The following ATP8B3 variants were observed in gnomAD, a reference collection of about 807,000 sequenced individuals.
The protein encoded by ATP8B3 is phospholipid-transporting ATPase IK.
A neutral mutation model predicts 140.9 loss-of-function variants in ATP8B3; 141 were observed. The ratio of observed to expected loss-of-function variants is 1.00; its 90% CI spans 0.87 to 1.15. The LOEUF is 1.15. Ranked by LOEUF, ATP8B3 falls within the 50% of genes most tolerant of loss-of-function variation. The pLI is 0.00. For synonymous variants in ATP8B3, 765 were observed against 714.6 expected (o/e 1.07, Z -1.13); for missense variants, 1,874 against 1,740.6 (o/e 1.08, Z -1.36).
chr19:1,801,870 A>G, intron 12 of ATP8B3, 86 bp downstream of exon 12: 1 of 1,050,554 alleles, frequency 9.5e-7, no homozygotes, highest in Non-Finnish European at 1.4e-6. Context: ...ATTTTGCAGA[A>G]GAAGGAAACT....
intron 10 of ATP8B3, among the ~76,000 whole-genome samples, chr19:1,804,586 C>T (rs570972347): frequency 4.8e-5 from 7 of 146,822 alleles, no homozygotes; most frequent in Non-Finnish European, 9.0e-5. Context: ...CCAGCCTGGG[C>T]AACAGAGCGA....
chr19:1,809,277 G>C (rs1181671695), intron 4 of ATP8B3, among the ~76,000 whole-genome samples: 1 of 152,094 alleles, frequency 6.6e-6, no homozygotes, highest in African/African-American at 2.4e-5. Context: ...GAGATCAGGA[G>C]TTCGAGACCA....
At chr19:1,789,750 T>C (rs1484293991) in intron 22 of ATP8B3, 23 bp from the exon 23 acceptor site, 3 of 1,542,908 alleles carry the variant, frequency 1.9e-6, no homozygotes, top group Non-Finnish European at 2.6e-6. Flanking sequence ...GAGGGGGCTG[T>C]GCCAGGCGCC....
At chr19:1,791,247 G>C (rs1017823682) in intron 20 of ATP8B3, among the ~76,000 whole-genome samples, 4 of 151,280 alleles carry the variant, frequency 2.6e-5, no homozygotes, top group African/African-American at 9.7e-5. Flanking sequence ...GGCTCACTCT[G>C]TCACCCAGGC....
In ATP8B3 at chr19:1,806,294, C is replaced by G. The variant is rs751232957; in HGVS notation, c.678-125G>C. 3.4e-4 allele frequency: 505 copies of G among 1,490,856 alleles called. No homozygotes were observed. The highest frequency in any genetic ancestry group is 4.1e-4 in the Non-Finnish European group (461 of 1,124,366). The allele number at this position is 1,490,856 out of a possible 1,614,324, so 92.4% of individuals were successfully genotyped here. A position where few individuals can be genotyped will look rare whatever the true frequency, so the allele number is the denominator to read the frequency against. On this transcript the variant is annotated intron_variant, in intron 7 of 28. Transcript: ENST00000310127. This position sits in a 1 kb window ranked among gnomAD's most constrained non-coding sequence, Gnocchi z 5.6. ...GTCCCCACCTCCGGGCCTTTGCCCC[C>G]TCAGGAAGCCTTCCCCGGGCTCCCA...
intron 18 of ATP8B3, among the ~76,000 whole-genome samples, chr19:1,793,569 T>C (rs1180559612): frequency 6.6e-6 from 1 of 152,082 alleles, no homozygotes; most frequent in African/African-American, 2.4e-5. Flanking sequence ...AGACCCAGGG[T>C]TGGGGCCTCT....
intron 14 of ATP8B3, 109 bp downstream of exon 14, chr19:1,799,838 T>G: frequency 8.7e-7 from 1 of 1,145,402 alleles, no homozygotes; most frequent in Non-Finnish European, 1.3e-6. Context: ...CTGGTTCAGA[T>G]TCGGGCGGAG....
At position 1,810,602 on chromosome 19, in the gene ATP8B3, C is replaced by G. The variant is rs1446060825; in HGVS notation, c.310+20G>C. 1.2e-5 allele frequency: 20 copies of G among 1,610,964 alleles called. No homozygotes were observed. Among genetic ancestry groups the G allele is most frequent in the Non-Finnish European group, 1.6e-5 (19 of 1,178,594 alleles). ...ATAATCCCTCCCACCTGCACCGCCCCCTCTGCCCAGGATCAGCACCTGAGT... is the reference window on the plus strand; with the variant it reads ...ATAATCCCTCCCACCTGCACCGCCCGCTCTGCCCAGGATCAGCACCTGAGT... On this transcript the variant is annotated intron_variant, in intron 3 of 28. Transcript: ENST00000310127.
In ATP8B3 at chr19:1,799,934, G is replaced by T; in HGVS notation, c.1552+13C>A. 6.3e-7 allele frequency: 1 copy of T among 1,582,246 alleles called. No homozygotes were observed. Among genetic ancestry groups the T allele is most frequent in the Non-Finnish European group, 8.6e-7 (1 of 1,164,888 alleles). On this transcript the variant is annotated intron_variant, in intron 14 of 28. Coordinates refer to ENST00000310127, the MANE Select transcript of ATP8B3 (RefSeq NM_138813.4). ...CGAGGACCCAGCTGGGAGCTCAGGT[G>T]TCGGGGCCGCACCATAGACGCGGCC...
intron 18 of ATP8B3, among the ~76,000 whole-genome samples, chr19:1,793,265 G>GTA (rs10546190): frequency 2.7e-4 from 40 of 150,614 alleles, no homozygotes; most frequent in Admixed American, 6.0e-4. Context: ...TAATTTCTTT[G>GTA]TATATATATA....
At chr19:1,790,956 C>A (rs1043782481) in intron 20 of ATP8B3, 124 bp from the exon 21 acceptor site, 2 of 801,190 alleles carry the variant, frequency 2.5e-6, no homozygotes, top group Non-Finnish European at 4.0e-6. Context: ...ACCCCCTGGC[C>A]ATGGTGATTG....
At chr19:1,797,909 A>G (rs867586625) in intron 14 of ATP8B3, among the ~76,000 whole-genome samples, 1 of 151,950 alleles carries the variant, frequency 6.6e-6, no homozygotes. Flanking sequence ...GGCTCAAGAC[A>G]TCTTCCCTCT....
Position 1,782,619 on chromosome 19 carries a change from G to A in ATP8B3, c.*409C>T. 4.0e-6 allele frequency: 1 copy of A among 253,034 alleles called. No homozygotes were observed. Among genetic ancestry groups the A allele is most frequent in the South Asian group, 6.1e-5 (1 of 16,474 alleles). 15.7% of individuals were successfully genotyped at this position (253,034 alleles called of 1,614,324 possible). ...GCTGACTTCTCCTCCGAGGAGTCTGGCTGGCTCTCCAACGTCAGCTGGCCT... is the reference window on the plus strand; with the variant it reads ...GCTGACTTCTCCTCCGAGGAGTCTGACTGGCTCTCCAACGTCAGCTGGCCT... On this transcript the variant is annotated 3_prime_UTR_variant, in exon 29 of 29. Transcript: ENST00000310127.
chr19:1,785,643 G>A lies in ATP8B3; in HGVS notation c.3219C>T (p.Leu1073=). The part of the protein sequence containing the change: ...ELYVVGQKDE[L]FNYWVFVQAI... ...CTTGGACGAAGACCCAGTAGTTGAA[G>A]AGCTCGTCCTTCTGCCCCACCACGT... The change falls in exon 26 of 29, where the codon CTC becomes CTT. Residue 1073 remains leucine, a synonymous_variant. Transcript: ENST00000310127. The A allele has an allele frequency of 1.2e-6, 2 of 1,613,274 alleles. No individual in the cohort carries two copies. The highest frequency in any genetic ancestry group is 1.3e-5 in the African/African-American group (1 of 75,052).
rs776441117 is a variant in ATP8B3 at position 1,784,833 on chromosome 19, C to T, written c.3646G>A (p.Glu1216Lys). Reference protein sequence around the residue: ...ALRVIFPALKELRAKEEKVEE... With the variant: ...ALRVIFPALKKLRAKEEKVEE... The stretch of plus-strand genomic sequence containing the variant: ...GCCCACCTCACCTTGGCACGTAGCT[C>T]CTTGAGGGCTGGGAAGATGACTCGG... The change falls in exon 28 of 29, where the codon GAG becomes AAG. Residue 1216 changes from glutamate (E) to lysine (K), a missense_variant. Physicochemically the swap from Glu to Lys is moderately conservative, Grantham distance 56 (BLOSUM62 1). This residue lies in a region of ATP8B3 where 840 missense variants were observed against 760.9 expected (regional missense o/e 1.10). Coordinates refer to ENST00000310127, the MANE Select transcript of ATP8B3 (RefSeq NM_138813.4). 6.2e-7 allele frequency: 1 copy of T among 1,606,624 alleles called. No individual in the cohort carries two copies. Among genetic ancestry groups the T allele is most frequent in the Non-Finnish European group, 8.5e-7 (1 of 1,176,638 alleles).
At position 1,794,723 on chromosome 19, in the gene ATP8B3, C is replaced by T. The variant is rs1054579686; in HGVS notation, c.2055+1152G>A. 6.6e-6 allele frequency among the ~76,000 whole-genome samples: 1 copy of T among 152,116 alleles called. No homozygotes were observed. Among genetic ancestry groups the T allele is most frequent in the Admixed American group, 6.5e-5 (1 of 15,270 alleles). ...ACAGGAAACAGCATGTGCAAAGGTGCCAAGGCAGCACCTGAGAGTGGGGAA... is the reference window on the plus strand; with the variant it reads ...ACAGGAAACAGCATGTGCAAAGGTGTCAAGGCAGCACCTGAGAGTGGGGAA... On this transcript the variant is annotated intron_variant, in intron 18 of 28. Transcript: ENST00000310127. This position sits in a 1 kb window ranked among gnomAD's most constrained non-coding sequence, Gnocchi z 4.8.
At position 1,789,460 on chromosome 19, in the gene ATP8B3, G is replaced by A. The variant is rs777938748; in HGVS notation, c.2746C>T (p.Pro916Ser). 1.9e-6 allele frequency: 3 copies of A among 1,597,500 alleles called. No individual in the cohort carries two copies. The African/African-American group carries it at 4.0e-5, about 22-fold the overall frequency. ...GCCACGATCAGGGCCTTCTGCTTGG[G>A]CGTCACGCGGCAGCAGATGACCGCC... is the stretch of plus-strand genomic sequence containing the variant. ...CQAVICCRVT[P>S]KQKALIVALV... Residue 916 changes from proline (P) to serine (S), a missense_variant, in exon 23 of 29, where the codon CCC (proline) becomes TCC (serine). By Grantham distance (74) the Pro-to-Ser change is moderately conservative. This residue lies in a region of ATP8B3 where 840 missense variants were observed against 760.9 expected (regional missense o/e 1.10). Transcript: ENST00000310127.
intron 18 of ATP8B3, 134 bp from the exon 19 acceptor site, chr19:1,792,269 GC>G: frequency 9.4e-7 from 1 of 1,061,510 alleles, no homozygotes; most frequent in Non-Finnish European, 1.3e-6. Flanking sequence ...GCCAACAGCA[GC>G]CAGAAGGGAT....
In ATP8B3 at chr19:1,795,930, AAGAT is replaced by A; in HGVS notation, c.1996_1999del (p.Ile666SerfsTer105). 1 of 1,613,108 alleles carries A rather than the reference AAGAT, an allele frequency of 6.2e-7. No individual in the cohort carries two copies. The highest frequency in any genetic ancestry group is 8.5e-7 in the Non-Finnish European group (1 of 1,179,832). Reference sequence around the variant, plus strand: ...TGCCCCCCTCCTGTGCAAGCGTTCGAAGATGACCGTGTCGGCGCCCTTGGTGTAC... The same window carrying A: ...TGCCCCCCTCCTGTGCAAGCGTTCGAGACCGTGTCGGCGCCCTTGGTGTAC... On this transcript the variant is annotated frameshift_variant, in exon 18 of 29. Coordinates refer to ENST00000310127, the MANE Select transcript of ATP8B3 (RefSeq NM_138813.4). LOFTEE classifies it high-confidence loss of function.
Sources: gnomAD v4.1 joint callset for allele counts (sites outside exome capture counted in the v4.1 genomes callset) on GRCh38, gnomAD v4.1.1 for gene constraint, gnomAD v4.1.1 regional missense constraint, Gnocchi (gnomAD v3.1) non-coding constraint, MANE v1.5 for transcripts, NCBI Gene and HGNC (gene_info 2026-07-23, HGNC 2026-07-21) for gene names.